Variants in XXYLT1 observed in about 807,000 individuals in gnomAD.
XXYLT1 encodes the protein UDP-xylose:alpha-xyloside alpha-1,3-xylosyltransferase.
A neutral mutation model predicts 28.9 loss-of-function variants in XXYLT1; 20 were observed. The observed-to-expected ratio is 0.69, with a 90% CI of 0.49 to 1.00. The LOEUF is 1.00. XXYLT1 is among the 50% of genes least tolerant of loss of function. The probability of loss-of-function intolerance (pLI) is 0.00; values close to 1 mark genes in which losing one functional copy is unlikely to be tolerated. For synonymous variants in XXYLT1, 257 were observed against 253.8 expected (o/e 1.01, Z -0.12); for missense variants, 542 against 560.1 (o/e 0.97, Z 0.33).
rs905035188 is a variant in XXYLT1, at chr3:195,210,869, TC to T, written c.652+15839del. On this transcript the variant is annotated intron_variant, in intron 2 of 3. Transcript: ENST00000310380. This position sits in a 1 kb window ranked among gnomAD's most constrained non-coding sequence, Gnocchi z 4.8. ...ATGTCTGTTTTTTCCTTTGCTTTCTTCCACACCAAGAACCCCTGCTCCTCCC... is the reference window on the plus strand; with the variant it reads ...ATGTCTGTTTTTTCCTTTGCTTTCTTCACACCAAGAACCCCTGCTCCTCCC... 3.3e-5 allele frequency among the ~76,000 whole-genome samples: 5 copies of T among 152,134 alleles called. No homozygotes were observed. The highest frequency in any genetic ancestry group is 1.2e-4 in the African/African-American group (5 of 41,414).
chr3:195,236,580 C>G (rs1212141615), intron 1 of XXYLT1, among the ~76,000 whole-genome samples: 1 of 151,866 alleles, frequency 6.6e-6, no homozygotes, highest in Non-Finnish European at 1.5e-5. Flanking sequence ...CCAGTTGGTG[C>G]TCCCCCTATG....
intron 3 of XXYLT1, among the ~76,000 whole-genome samples, chr3:195,109,747 GTA>G (rs1560099881): frequency 1.5e-5 from 1 of 67,288 alleles, no homozygotes; most frequent in African/African-American, 4.3e-5. Context: ...ATGTGTTCAG[GTA>G]TGTATGTGAG....
intron 2 of XXYLT1, among the ~76,000 whole-genome samples, chr3:195,186,672 T>C (rs1256973183): frequency 6.6e-6 from 1 of 151,990 alleles, no homozygotes; most frequent in African/African-American, 2.4e-5. Context: ...TCCCCTTCGT[T>C]GCCCTTATTG....
chr3:195,194,689 G>A (rs540514766), intron 2 of XXYLT1, among the ~76,000 whole-genome samples: 23 of 152,242 alleles, frequency 1.5e-4, no homozygotes, highest in African/African-American at 4.8e-4. Flanking sequence ...CGAACAAAAC[G>A]TGGGACAGCC....
chr3:195,262,272 C>T (rs935932925), intron 1 of XXYLT1, among the ~76,000 whole-genome samples: 3 of 152,166 alleles, frequency 2.0e-5, no homozygotes, highest in African/African-American at 4.8e-5. Context: ...AGTGAATACT[C>T]AGAAGAGACA....
rs143256990 is a variant in XXYLT1, at chr3:195,124,489, T to C, written c.785+31960A>G. 4.6e-4 allele frequency among the ~76,000 whole-genome samples: 70 copies of C among 152,232 alleles called. No individual in the cohort carries two copies. In the East Asian group the frequency reaches 0.012, roughly 26 times the overall value. ...GAATAACTTTGTTTTCCCCTGATAA[T>C]TTGTCTAGTGTTTCTAGGCCTCCCC... is the stretch of plus-strand genomic sequence containing the variant. On this transcript the variant is annotated intron_variant, in intron 3 of 3. Transcript: ENST00000310380. This position sits in a 1 kb window ranked among gnomAD's most constrained non-coding sequence, Gnocchi z 4.1.
At chr3:195,105,278 A>G (rs576243727) in intron 3 of XXYLT1, among the ~76,000 whole-genome samples, 5 of 152,364 alleles carry the variant, frequency 3.3e-5, no homozygotes, top group African/African-American at 1.2e-4. Flanking sequence ...TTAAAACTCT[A>G]TAATATATAA....
At chr3:195,197,020 C>A (rs6781005) in intron 2 of XXYLT1, among the ~76,000 whole-genome samples, 7,808 of 152,258 alleles carry the variant, frequency 0.051, 615 homozygotes, top group African/African-American at 0.18. Flanking sequence ...AATCAATATG[C>A]ACCGAGGCAA....
chr3:195,189,316 T>C (rs1454695949), intron 2 of XXYLT1, among the ~76,000 whole-genome samples: 1 of 152,190 alleles, frequency 6.6e-6, no homozygotes, highest in Non-Finnish European at 1.5e-5. Context: ...ACAGACATCA[T>C]AACTTGTCCC....
chr3:195,208,809 C>A (rs1040096741), intron 2 of XXYLT1, among the ~76,000 whole-genome samples: 33 of 152,082 alleles, frequency 2.2e-4, no homozygotes, highest in Non-Finnish European at 4.4e-5. Flanking sequence ...GAAGGGCAGA[C>A]AAAGAGCGTC....
In XXYLT1 at chr3:195,129,070, C is replaced by T. The variant is rs1300098333; in HGVS notation, c.785+27379G>A. ...TCATCTTTTAAAAAATGACTTTATA[C>T]AGATCTGTCAGTACTTAATGCTTGT... is the stretch of plus-strand genomic sequence containing the variant. On this transcript the variant is annotated intron_variant, in intron 3 of 3. Coordinates refer to ENST00000310380, the MANE Select transcript of XXYLT1 (RefSeq NM_152531.5). The surrounding 1 kb of genome is among the most constrained non-coding windows in gnomAD (Gnocchi z 4.4). Among the ~76,000 whole-genome samples the T allele has an allele frequency of 1.3e-5, 2 of 152,130 alleles. No individual in the cohort carries two copies. The highest frequency in any genetic ancestry group is 2.9e-5 in the Non-Finnish European group (2 of 68,026).
rs151295566 is a variant in XXYLT1, at chr3:195,098,501, G to A, written c.786-28390C>T. On this transcript the variant is annotated intron_variant, in intron 3 of 3. Coordinates refer to ENST00000310380, the MANE Select transcript of XXYLT1 (RefSeq NM_152531.5). ...CCGGGAGGCGGAGCTTGCAGTGAGCGGAGATCGTGCCACTGCACTCCAGCC... is the reference window on the plus strand; with the variant it reads ...CCGGGAGGCGGAGCTTGCAGTGAGCAGAGATCGTGCCACTGCACTCCAGCC... Among the ~76,000 whole-genome samples, 317 of 152,254 alleles carry A rather than the reference G, an allele frequency of 2.1e-3. 3 individuals carry two copies. Among genetic ancestry groups the A allele is most frequent in the African/African-American group, 7.0e-3 (292 of 41,558 alleles).
In XXYLT1 at chr3:195,068,458, C is replaced by G. The variant is rs1435289812; in HGVS notation, c.*1257G>C. 6.6e-6 allele frequency: 1 copy of G among 152,126 alleles called. No homozygotes were observed. The highest frequency in any genetic ancestry group is 1.9e-4 in the East Asian group (1 of 5,198). The allele number at this position is 152,126 out of a possible 1,614,324, so 9.4% of individuals were successfully genotyped here. On this transcript the variant is annotated 3_prime_UTR_variant, in exon 4 of 4. Coordinates refer to ENST00000310380, the MANE Select transcript of XXYLT1 (RefSeq NM_152531.5). ...ATGACGCTTTAATTTCTGCTAAGGT[C>G]TACGGTCTAACGTGGTATGATAAGG...
At chr3:195,130,491 A>G (rs1718849607) in intron 3 of XXYLT1, among the ~76,000 whole-genome samples, 1 of 152,256 alleles carries the variant, frequency 6.6e-6, no homozygotes, top group Admixed American at 6.5e-5. Flanking sequence ...TAACCAAGTC[A>G]TTAGCAGAAT....
At chr3:195,251,841 G>A (rs75905702) in intron 1 of XXYLT1, among the ~76,000 whole-genome samples, 4,410 of 152,288 alleles carry the variant, frequency 0.029, 138 homozygotes, top group East Asian at 0.1. Flanking sequence ...GTCCTGCAAA[G>A]CAGAAGATGC....
rs1220416686 is a variant in XXYLT1 at position 195,150,848 on chromosome 3, A to T, written c.785+5601T>A. ...CTCACACATACGCACACTCTCTCAC[A>T]CACTCTCACACACACACACACTCTC... On this transcript the variant is annotated intron_variant, in intron 3 of 3. Transcript: ENST00000310380. The surrounding 1 kb of genome is among the most constrained non-coding windows in gnomAD (Gnocchi z 4.7). Among the ~76,000 whole-genome samples, 22 of 86,834 alleles carry T rather than the reference A, an allele frequency of 2.5e-4. 1 individual carries two copies. The highest frequency in any genetic ancestry group is 1.1e-3 in the African/African-American group (19 of 17,742). 57.0% of individuals were successfully genotyped at this position (86,834 alleles called of 152,430 possible).
chr3:195,132,773 G>C (rs1718968535), intron 3 of XXYLT1, among the ~76,000 whole-genome samples: 1 of 152,238 alleles, frequency 6.6e-6, no homozygotes, highest in South Asian at 2.1e-4. Context: ...AGTGAAGCAG[G>C]ATGCTTAAAG....
intron 2 of XXYLT1, among the ~76,000 whole-genome samples, chr3:195,207,128 G>A (rs1353712289): frequency 6.6e-6 from 1 of 152,216 alleles, no homozygotes; most frequent in Non-Finnish European, 1.5e-5. Flanking sequence ...GGGCAGGTGA[G>A]GAGCTGCCCC....
intron 3 of XXYLT1, among the ~76,000 whole-genome samples, chr3:195,088,215 C>A (rs553724201): frequency 2.6e-5 from 4 of 151,630 alleles, no homozygotes; most frequent in East Asian, 2.0e-4. Flanking sequence ...CCTCTGTAGG[C>A]TCCACCTCTG....
Sources: allele counts gnomAD v4.1 joint callset (sites outside exome capture counted in the v4.1 genomes callset), GRCh38; gene constraint gnomAD v4.1.1; non-coding constraint Gnocchi (gnomAD v3.1); transcripts MANE v1.5; gene names NCBI Gene and HGNC (gene_info 2026-07-23, HGNC 2026-07-21).